The following LOC400499 variants were observed in gnomAD, a reference collection of about 807,000 sequenced individuals.
At chr16:11,490,015 T>C in the LOC400499 span, among the ~76,000 whole-genome samples, 1 of 152,126 alleles carries the variant, frequency 6.6e-6, no homozygotes, top group South Asian at 2.1e-4. Flanking sequence ...TAGTACAAAC[T>C]TCTGGCGGAA....
At chr16:11,496,561 G>A in the LOC400499 span, among the ~76,000 whole-genome samples, 2 of 152,158 alleles carry the variant, frequency 1.3e-5, no homozygotes, top group East Asian at 1.9e-4. Context: ...GCGCACTCGA[G>A]TACCCTAGTA....
chr16:11,469,397 T>C, the LOC400499 span: 4 of 398,886 alleles, frequency 1.0e-5, no homozygotes, highest in South Asian at 5.3e-4. Context: ...GATTTAGTGC[T>C]GACCTCAGGA....
chr16:11,476,763 C>T, the LOC400499 span: 3 of 399,544 alleles, frequency 7.5e-6, no homozygotes, highest in Non-Finnish European at 1.3e-5. Flanking sequence ...TGGGCACCCA[C>T]CTGAAGCTGA....
At chr16:11,384,209 C>T in the LOC400499 span, 17 of 1,227,024 alleles carry the variant, frequency 1.4e-5, 1 homozygote, top group South Asian at 8.3e-5. Context: ...CAGGTGCACC[C>T]GCTCACCTGC....
the LOC400499 span, chr16:11,393,408 G>C: frequency 8.1e-7 from 1 of 1,232,190 alleles, no homozygotes; most frequent in African/African-American, 1.6e-5. Context: ...ATGGGCCACA[G>C]AGGCCTGCAG....
At chr16:11,423,860 C>G in the LOC400499 span, among the ~76,000 whole-genome samples, 1 of 152,224 alleles carries the variant, frequency 6.6e-6, no homozygotes, top group Non-Finnish European at 1.5e-5. Flanking sequence ...ACCCAACCCA[C>G]TCACCTCCAG....
chr16:11,472,589 C>T, the LOC400499 span: 1 of 152,356 alleles, frequency 6.6e-6, no homozygotes, highest in South Asian at 2.1e-4. Context: ...TGGCCACTTC[C>T]CAGCTGTGTG....
At chr16:11,504,587 G>A in the LOC400499 span, among the ~76,000 whole-genome samples, 4 of 151,654 alleles carry the variant, frequency 2.6e-5, no homozygotes, top group Admixed American at 6.6e-5. Flanking sequence ...TACGTAGGTC[G>A]ATAAGAAAAC....
At chr16:11,486,347 G>A in the LOC400499 span, among the ~76,000 whole-genome samples, 1 of 134,978 alleles carries the variant, frequency 7.4e-6, no homozygotes, top group Non-Finnish European at 1.5e-5. Context: ...ATGAATGATG[G>A]CTGGATAGAT....
chr16:11,420,981 G>C, the LOC400499 span, among the ~76,000 whole-genome samples: 1 of 152,160 alleles, frequency 6.6e-6, no homozygotes, highest in African/African-American at 2.4e-5. Flanking sequence ...GGCTGGACTT[G>C]TCCTGAGTTT....
the LOC400499 span, among the ~76,000 whole-genome samples, chr16:11,427,784 G>A: frequency 6.6e-6 from 1 of 152,146 alleles, no homozygotes; most frequent in South Asian, 2.1e-4. Flanking sequence ...TTTTATATCA[G>A]AGGAACGAAG....
the LOC400499 span, chr16:11,387,101 C>G: frequency 8.1e-7 from 1 of 1,232,404 alleles, no homozygotes. Flanking sequence ...CAGCCCGGGG[C>G]AGGACTCACA....
the LOC400499 span, among the ~76,000 whole-genome samples, chr16:11,511,941 C>A: frequency 3.3e-5 from 5 of 152,028 alleles, no homozygotes; most frequent in East Asian, 1.9e-4. Flanking sequence ...CCCCTTGACC[C>A]CAGGAGGCCA....
chr16:11,483,288 A>G, the LOC400499 span, among the ~76,000 whole-genome samples: 4 of 152,242 alleles, frequency 2.6e-5, no homozygotes, highest in Non-Finnish European at 5.9e-5. Context: ...CTACCATATG[A>G]TCTAGCCACA....
At chr16:11,452,029 C>T in the LOC400499 span, among the ~76,000 whole-genome samples, 1 of 152,120 alleles carries the variant, frequency 6.6e-6, no homozygotes, top group Non-Finnish European at 1.5e-5. Context: ...TCTGCACATG[C>T]CCCACCTATG....
At chr16:11,439,848 C>T in the LOC400499 span, among the ~76,000 whole-genome samples, 1 of 151,936 alleles carries the variant, frequency 6.6e-6, no homozygotes, top group Non-Finnish European at 1.5e-5. Context: ...TTCATGCCTC[C>T]CACAGCCACA....
the LOC400499 span, chr16:11,390,317 T>A: frequency 8.1e-7 from 1 of 1,233,116 alleles, no homozygotes; most frequent in Non-Finnish European, 1.0e-6. Context: ...AGGGCCGCCC[T>A]GATGGGCCTT....
chr16:11,407,680 C>A, the LOC400499 span, among the ~76,000 whole-genome samples: 6 of 152,308 alleles, frequency 3.9e-5, no homozygotes, highest in African/African-American at 1.4e-4. Context: ...AAGAATTATG[C>A]CTGGGTGCGT....
the LOC400499 span, chr16:11,383,756 A>C: frequency 8.1e-7 from 1 of 1,232,306 alleles, no homozygotes. Flanking sequence ...ACCTGCACAC[A>C]CAGGCTGAGG....
Sources: gnomAD v4.1 joint callset for allele counts (sites outside exome capture counted in the v4.1 genomes callset) on GRCh38, gnomAD v4.1.1 for gene constraint, MANE v1.5 for transcripts.